The following NOX4 variants were observed in gnomAD, a reference collection of about 807,000 sequenced individuals.
NOX4 encodes kidney oxidase-1.
A neutral mutation model predicts 87.6 loss-of-function variants in NOX4; 69 were observed. The observed-to-expected ratio is 0.79, with a 90% confidence interval of 0.65 to 0.96. The LOEUF (loss-of-function observed/expected upper bound fraction) is 0.96, where lower values mean the gene tolerates loss of function less well. Ranked by LOEUF, NOX4 falls within the 40% of genes least tolerant of loss-of-function variation. NOX4 has a pLI of 0.00. For missense variants in NOX4, 680 were observed against 681.5 expected (o/e 1.00, Z 0.02); for synonymous variants, 275 against 238.2 (o/e 1.15, Z -1.42).
At chr11:89,499,390 T>C (rs182579446), upstream of NOX4, among the ~76,000 whole-genome samples, 69 of 152,310 alleles carry the variant, frequency 4.5e-4, no homozygotes, top group African/African-American at 1.5e-3. Flanking sequence ...TTTAGGTTAT[T>C]TTCAAAATGA....
chr11:89,333,108 A>AT (rs1387047179), intron 17 of NOX4, among the ~76,000 whole-genome samples: 1 of 151,980 alleles, frequency 6.6e-6, no homozygotes, highest in East Asian at 1.9e-4. Context: ...CCACAGCACT[A>AT]TTTTTAACTG....
intron 15 of NOX4, 113 bp from the exon 16 acceptor site, chr11:89,337,628 T>C: frequency 5.0e-6 from 7 of 1,411,126 alleles, no homozygotes; most frequent in Non-Finnish European, 6.8e-6. Context: ...CTTATCATAG[T>C]CAATATCTAT....
At chr11:89,589,034 A>C in the NOX4 span, among the ~76,000 whole-genome samples, 2 of 152,172 alleles carry the variant, frequency 1.3e-5, no homozygotes, top group Non-Finnish European at 1.5e-5. Flanking sequence ...CAGACAACAT[A>C]TTAGCCTAAG....
At chr11:89,570,001 CAA>C in the NOX4 span, among the ~76,000 whole-genome samples, 160 of 109,906 alleles carry the variant, frequency 1.5e-3, no homozygotes, top group East Asian at 0.012. Context: ...GACTCTGTCT[CAA>C]AAAAAAAAAA....
chr11:89,408,399 T>C (rs1460144381), intron 8 of NOX4, among the ~76,000 whole-genome samples: 5 of 152,190 alleles, frequency 3.3e-5, no homozygotes, highest in African/African-American at 4.8e-5. Context: ...TGTAGTAACA[T>C]GACAGTTATT....
chr11:89,493,320 G>T (rs945880479), upstream of NOX4, among the ~76,000 whole-genome samples: 1 of 152,028 alleles, frequency 6.6e-6, no homozygotes, highest in Non-Finnish European at 1.5e-5. Flanking sequence ...GGGAGGCAGA[G>T]GTTGCGGTGA....
At chr11:89,346,559 G>A (rs1237494871) in intron 13 of NOX4, among the ~76,000 whole-genome samples, 2 of 85,844 alleles carry the variant, frequency 2.3e-5, no homozygotes, top group Admixed American at 1.1e-4. Context: ...CTGAATGCAG[G>A]ATGGGGTAAC....
chr11:89,469,081 G>A, intron 2 of NOX4, among the ~76,000 whole-genome samples: 1 of 152,098 alleles, frequency 6.6e-6, no homozygotes, highest in East Asian at 1.9e-4. Flanking sequence ...TTTTGGCAAA[G>A]CTATTAAAAT....
chr11:89,576,394 A>T, the NOX4 span, among the ~76,000 whole-genome samples: 233 of 152,256 alleles, frequency 1.5e-3, 2 homozygotes, highest in Admixed American at 0.014. Flanking sequence ...CCAATAAATT[A>T]CTTTTTTCCC....
At chr11:89,386,758 C>T (rs1417288835) in intron 11 of NOX4, among the ~76,000 whole-genome samples, 2 of 152,074 alleles carry the variant, frequency 1.3e-5, no homozygotes, top group Admixed American at 6.6e-5. Context: ...CATAAAAAAA[C>T]TCAAGGATAG....
chr11:89,567,482 G>A, the NOX4 span, among the ~76,000 whole-genome samples: 2 of 152,178 alleles, frequency 1.3e-5, no homozygotes, highest in Non-Finnish European at 2.9e-5. Flanking sequence ...AAAGAAAAGA[G>A]GTTTAGTTGA....
chr11:89,395,248 G>T (rs1205877303), intron 11 of NOX4, among the ~76,000 whole-genome samples: 2 of 152,104 alleles, frequency 1.3e-5, no homozygotes, highest in Non-Finnish European at 2.9e-5. Flanking sequence ...TTTCTGTGAT[G>T]GCCAGTAATA....
chr11:89,331,636 C>CTT (rs970094575), intron 17 of NOX4, among the ~76,000 whole-genome samples: 25 of 151,856 alleles, frequency 1.6e-4, no homozygotes, highest in Admixed American at 1.4e-3. Flanking sequence ...TCTTGCTTGG[C>CTT]TTTGACAGGG....
At chr11:89,371,778 C>G (rs1246374699) in intron 12 of NOX4, among the ~76,000 whole-genome samples, 4 of 151,906 alleles carry the variant, frequency 2.6e-5, no homozygotes, top group East Asian at 1.9e-4. Flanking sequence ...AGAGGACGAC[C>G]ATGATCTCTT....
upstream of NOX4, chr11:89,491,542 G>T: frequency 2.4e-6 from 1 of 414,466 alleles, no homozygotes; most frequent in Non-Finnish European, 4.3e-6. Flanking sequence ...AGTCTGCTCC[G>T]CCGCGCCGGC....
At chr11:89,376,819 T>C (rs1591060298) in intron 11 of NOX4, among the ~76,000 whole-genome samples, 1 of 151,906 alleles carries the variant, frequency 6.6e-6, no homozygotes, top group Non-Finnish European at 1.5e-5. Context: ...GAGGTGGAGG[T>C]TGCAGTGAGC....
intron 13 of NOX4, among the ~76,000 whole-genome samples, chr11:89,353,528 A>C (rs1363830255): frequency 2.0e-5 from 3 of 152,216 alleles, no homozygotes; most frequent in African/African-American, 7.2e-5. Flanking sequence ...GCTACTGCAC[A>C]CTTAAAAGAC....
chr11:89,344,728 T>C (rs1208817371), intron 13 of NOX4, among the ~76,000 whole-genome samples: 4 of 152,154 alleles, frequency 2.6e-5, no homozygotes, highest in South Asian at 2.1e-4. Flanking sequence ...ATAATGCCCA[T>C]TTTGTTGCAT....
At chr11:89,586,908 T>C in the NOX4 span, among the ~76,000 whole-genome samples, 1 of 151,894 alleles carries the variant, frequency 6.6e-6, no homozygotes, top group African/African-American at 2.4e-5. Flanking sequence ...GGACTGGGAG[T>C]GTTAGGAGAG....
Sources: allele counts gnomAD v4.1 joint callset (sites outside exome capture counted in the v4.1 genomes callset), GRCh38; gene constraint gnomAD v4.1.1; transcripts MANE v1.5; gene names NCBI Gene and HGNC (gene_info 2026-07-23, HGNC 2026-07-21).